Variants in FGGY observed in about 807,000 individuals in gnomAD.
FGGY encodes FGGY carbohydrate kinase domain containing.
Under a neutral mutation model 71.3 loss-of-function variants are expected in FGGY, and 72 were observed. The observed-to-expected ratio is 1.01, with a 90% confidence interval of 0.84 to 1.23. The LOEUF (loss-of-function observed/expected upper bound fraction) is 1.23, where lower values mean the gene tolerates loss of function less well. Among genes scored for constraint, FGGY ranks in the 50% most tolerant of loss-of-function variants. The pLI is 0.00. For missense variants in FGGY, 668 were observed against 682.3 expected, an observed-to-expected ratio of 0.98 and a Z score of 0.23; for synonymous variants, 251 against 250.3, an observed-to-expected ratio of 1.00 and a Z score of -0.02.
intron 6 of FGGY, among the ~76,000 whole-genome samples, chr1:59,484,412 G>C (rs1181545720): frequency 2.6e-5 from 4 of 152,032 alleles, no homozygotes; most frequent in African/African-American, 9.7e-5. Flanking sequence ...CTTTCCATGG[G>C]CCTTAAAGGA....
At chr1:59,350,171 ATTCT>A (rs1248199683) in intron 4 of FGGY, among the ~76,000 whole-genome samples, 6 of 152,236 alleles carry the variant, frequency 3.9e-5, no homozygotes, top group Admixed American at 3.9e-4. Flanking sequence ...CTCCTTCTTC[ATTCT>A]TTAATTCTTG....
chr1:59,532,561 G>C (rs1036027416), intron 7 of FGGY, among the ~76,000 whole-genome samples: 1 of 152,096 alleles, frequency 6.6e-6, no homozygotes, highest in African/African-American at 2.4e-5. Context: ...GGATGCAAGA[G>C]AAAAATTAAC....
At chr1:59,598,738 G>T (rs140972444) in intron 8 of FGGY, among the ~76,000 whole-genome samples, 11 of 152,142 alleles carry the variant, frequency 7.2e-5, no homozygotes, top group African/African-American at 2.4e-4. Flanking sequence ...TGGTAAGCCC[G>T]ATCTTTATTA....
chr1:59,641,787 A>T (rs2097030657), intron 11 of FGGY, among the ~76,000 whole-genome samples: 1 of 152,192 alleles, frequency 6.6e-6, no homozygotes, highest in Non-Finnish European at 1.5e-5. Flanking sequence ...AACTTGTTTG[A>T]TAACATCATA....
At chr1:59,470,546 C>T (rs1366951001) in intron 6 of FGGY, among the ~76,000 whole-genome samples, 1 of 152,120 alleles carries the variant, frequency 6.6e-6, no homozygotes, top group Non-Finnish European at 1.5e-5. Flanking sequence ...GATTCCTTCT[C>T]CCATGGATGG....
chr1:59,618,737 CTT>C (rs1449873903), intron 9 of FGGY, among the ~76,000 whole-genome samples: 1 of 151,780 alleles, frequency 6.6e-6, no homozygotes, highest in African/African-American at 2.4e-5. Flanking sequence ...GACTGGGAGA[CTT>C]AGAGAGAAAG....
At chr1:59,521,172 G>A (rs544257343) in intron 7 of FGGY, among the ~76,000 whole-genome samples, 3 of 152,302 alleles carry the variant, frequency 2.0e-5, no homozygotes, top group South Asian at 2.1e-4. Flanking sequence ...GAGGAAGAAC[G>A]TATTCATGGG....
At chr1:59,415,930 T>A (rs1434217203) in intron 5 of FGGY, among the ~76,000 whole-genome samples, 3 of 152,206 alleles carry the variant, frequency 2.0e-5, no homozygotes, top group Non-Finnish European at 4.4e-5. Flanking sequence ...TTGGGTCAAG[T>A]GTACCTACAT....
intron 8 of FGGY, among the ~76,000 whole-genome samples, chr1:59,557,646 CAGAG>C (rs879506875): frequency 1.0e-3 from 156 of 152,286 alleles, no homozygotes; most frequent in South Asian, 1.4e-3. Context: ...TCCATGAAAG[CAGAG>C]CTGCTTGTTC....
intron 2 of FGGY, among the ~76,000 whole-genome samples, chr1:59,328,960 C>T (rs1446015835): frequency 6.6e-6 from 1 of 151,972 alleles, no homozygotes; most frequent in African/African-American, 2.4e-5. Context: ...ATTATCATAG[C>T]AGATATAATA....
chr1:59,434,836 A>G (rs984994452), intron 5 of FGGY, among the ~76,000 whole-genome samples: 2 of 152,056 alleles, frequency 1.3e-5, no homozygotes, highest in African/African-American at 4.8e-5. Context: ...TCAACACAGG[A>G]ATTTTGAGGG....
rs139024007 is a variant in FGGY, at chr1:59,581,775, A to G, written c.904-26028A>G. Among the ~76,000 whole-genome samples the G allele has an allele frequency of 1.3e-3, 193 of 150,210 alleles. 14 individuals are homozygous for G. The highest frequency in any genetic ancestry group is 4.7e-3 in the African/African-American group (186 of 39,840). ...CTTAGTTATAGATGAGAGAAAGTACATAAGTGGTTTACCCAGCTAGTAAGT... is the reference window on the plus strand; with the variant it reads ...CTTAGTTATAGATGAGAGAAAGTACGTAAGTGGTTTACCCAGCTAGTAAGT... On this transcript the variant is annotated intron_variant, in intron 8 of 15. Coordinates refer to ENST00000303721, the MANE Select transcript of FGGY (RefSeq NM_018291.5).
At chr1:59,534,748 G>A (rs1233653431) in intron 7 of FGGY, among the ~76,000 whole-genome samples, 1 of 151,038 alleles carries the variant, frequency 6.6e-6, no homozygotes, top group Admixed American at 6.6e-5. Context: ...ATAAGTGAAG[G>A]AGAAATAAAA....
chr1:59,745,317 G>A (rs1346854692), intron 14 of FGGY, among the ~76,000 whole-genome samples: 1 of 152,190 alleles, frequency 6.6e-6, no homozygotes, highest in African/African-American at 2.4e-5. Flanking sequence ...AGGGATAGAT[G>A]GATGGATAGA....
At chr1:59,565,944 C>T (rs1295584997) in intron 8 of FGGY, among the ~76,000 whole-genome samples, 1 of 152,166 alleles carries the variant, frequency 6.6e-6, no homozygotes, top group Non-Finnish European at 1.5e-5. Context: ...TTTAATCTTC[C>T]CCTGTTCCCT....
At chr1:59,357,044 AG>A (rs1467505056) in intron 4 of FGGY, among the ~76,000 whole-genome samples, 2 of 152,148 alleles carry the variant, frequency 1.3e-5, no homozygotes, top group Non-Finnish European at 2.9e-5. Context: ...CCAGCCTTTG[AG>A]GAATGAAGAC....
chr1:59,535,659 G>C (rs2095293973), intron 7 of FGGY, among the ~76,000 whole-genome samples: 1 of 150,658 alleles, frequency 6.6e-6, no homozygotes. Context: ...AATCAAACTA[G>C]AACTCAGGAT....
At chr1:59,665,057 C>G (rs1010020156) in intron 12 of FGGY, among the ~76,000 whole-genome samples, 70 of 152,312 alleles carry the variant, frequency 4.6e-4, no homozygotes, top group African/African-American at 1.6e-3. Flanking sequence ...TACTACAATT[C>G]ATGCCGTTAG....
chr1:59,378,983 C>G (rs2059026886), intron 5 of FGGY, 146 bp downstream of exon 5: 1 of 636,778 alleles, frequency 1.6e-6, no homozygotes, highest in Admixed American at 2.7e-5. Context: ...TTGAATCTAT[C>G]TTCGACCTCC....
Sources: allele counts gnomAD v4.1 joint callset (sites outside exome capture counted in the v4.1 genomes callset), GRCh38; gene constraint gnomAD v4.1.1; transcripts MANE v1.5; gene names NCBI Gene and HGNC (gene_info 2026-07-23, HGNC 2026-07-21).